GIN1: variants seen among roughly 807,000 people sequenced by gnomAD.
The protein encoded by GIN1 is gypsy retrotransposon integrase 1, also known as gypsy retrotransposon integrase-like protein 1.
Under a neutral mutation model 51.4 loss-of-function variants are expected in GIN1, and 41 were observed. That is an observed-to-expected ratio of 0.80 (90% CI 0.62 to 1.04). The LOEUF (loss-of-function observed/expected upper bound fraction) is 1.04, where lower values mean the gene tolerates loss of function less well. Among genes scored for constraint, GIN1 ranks in the 50% least tolerant of loss-of-function variants. The pLI is 0.00. For missense variants in GIN1, 610 were observed against 612.4 expected, an observed-to-expected ratio of 1.00 and a Z score of 0.04; for synonymous variants, 222 against 206.5, an observed-to-expected ratio of 1.07 and a Z score of -0.64.
intron 1 of GIN1, among the ~76,000 whole-genome samples, chr5:103,115,716 A>AC (rs1788013250): frequency 6.6e-6 from 1 of 150,578 alleles, no homozygotes; most frequent in South Asian, 2.1e-4. Context: ...AATTAAAACA[A>AC]TTTTTTTTTT....
chr5:103,087,891 G>T lies in GIN1; in HGVS notation c.*7C>A, dbSNP rs1345835024. On this transcript the variant is annotated 3_prime_UTR_variant, in exon 8 of 8. Coordinates refer to ENST00000399004, the MANE Select transcript of GIN1 (RefSeq NM_017676.2). ...AAACAAACAATTTAAATAAATTTTG[G>T]TATTTACTAACTTAAGTATTCAAGA... is the stretch of plus-strand genomic sequence containing the variant. The T allele has an allele frequency of 7.1e-6, 9 of 1,258,846 alleles. No individual in the cohort carries two copies. The highest frequency in any genetic ancestry group is 8.8e-6 in the Non-Finnish European group (8 of 912,560). The allele number at this position is 1,258,846 out of a possible 1,614,324, so 78.0% of individuals were successfully genotyped here. A position where few individuals can be genotyped will look rare whatever the true frequency, so the allele number is the denominator to read the frequency against.
chr5:103,117,439 A>G (rs782583849), intron 1 of GIN1, among the ~76,000 whole-genome samples: 16 of 152,214 alleles, frequency 1.1e-4, no homozygotes, highest in Non-Finnish European at 1.6e-4. Context: ...TGGACTGCCT[A>G]TTGGTCCCGT....
At chr5:103,091,908 C>G (rs2151461744) in intron 7 of GIN1, among the ~76,000 whole-genome samples, 1 of 151,738 alleles carries the variant, frequency 6.6e-6, no homozygotes, top group East Asian at 1.9e-4. Context: ...GCCTGTAATC[C>G]CAGCTACTCA....
chr5:103,101,548 G>A (rs782374602), intron 4 of GIN1, among the ~76,000 whole-genome samples: 1 of 152,160 alleles, frequency 6.6e-6, no homozygotes, highest in South Asian at 2.1e-4. Context: ...ACGTGCCGGC[G>A]CTATCACTTT....
At chr5:103,106,246 T>A (rs1385431642) in intron 3 of GIN1, among the ~76,000 whole-genome samples, 4 of 152,150 alleles carry the variant, frequency 2.6e-5, no homozygotes, top group Admixed American at 2.0e-4. Context: ...TCCTCAAAAT[T>A]TGATTTTGGT....
chr5:103,098,184 TCTTG>T (rs1787462998), intron 4 of GIN1, among the ~76,000 whole-genome samples: 1 of 152,144 alleles, frequency 6.6e-6, no homozygotes, highest in Non-Finnish European at 1.5e-5. Flanking sequence ...CCTGGCTGAA[TCTTG>T]CTTTTTTATT....
chr5:103,094,213 A>G (rs963096696), intron 7 of GIN1, among the ~76,000 whole-genome samples: 7 of 152,206 alleles, frequency 4.6e-5, no homozygotes, highest in Non-Finnish European at 8.8e-5. Flanking sequence ...GATTTTCAAG[A>G]AAGTATGTAA....
rs1175492504 is a variant in GIN1, at chr5:103,087,494, C to G, written c.*404G>C. On this transcript the variant is annotated 3_prime_UTR_variant, in exon 8 of 8. Coordinates refer to ENST00000399004, the MANE Select transcript of GIN1 (RefSeq NM_017676.2). ...AGAAGCTTCATTTCATTCATTGTTACAGTTGATTCAGTATTTATCAATTCC... is the reference window on the plus strand; with the variant it reads ...AGAAGCTTCATTTCATTCATTGTTAGAGTTGATTCAGTATTTATCAATTCC... 10 of 153,144 alleles carry G rather than the reference C, an allele frequency of 6.5e-5. No individual in the cohort carries two copies. The highest frequency in any genetic ancestry group is 2.4e-4 in the African/African-American group (10 of 41,470). 9.5% of individuals were successfully genotyped at this position (153,144 alleles called of 1,614,324 possible).
At chr5:103,089,474 T>G (rs1465113943) in intron 7 of GIN1, among the ~76,000 whole-genome samples, 1 of 152,126 alleles carries the variant, frequency 6.6e-6, no homozygotes, top group Non-Finnish European at 1.5e-5. Context: ...ACTCATTCAT[T>G]CATTCATGGT....
At position 103,100,470 on chromosome 5, in the gene GIN1, C is replaced by A. The variant is rs368424375; in HGVS notation, c.640-2689G>T. On this transcript the variant is annotated intron_variant, in intron 4 of 7. Coordinates refer to ENST00000399004, the MANE Select transcript of GIN1 (RefSeq NM_017676.2). Reference sequence around the variant, plus strand: ...GCAGTGGTGCAACCATAGCTCACTACAGCCTTCACCTCCTGGGCTTAAGCA... The same window carrying A: ...GCAGTGGTGCAACCATAGCTCACTAAAGCCTTCACCTCCTGGGCTTAAGCA... Among the ~76,000 whole-genome samples the A allele has an allele frequency of 2.9e-4, 44 of 152,200 alleles. 1 individual carries two copies. In the East Asian group the frequency reaches 6.8e-3, roughly 23 times the overall value.
chr5:103,101,435 C>T lies in GIN1; in HGVS notation c.639+3106G>A, dbSNP rs539077954. 3.9e-5 allele frequency among the ~76,000 whole-genome samples: 6 copies of T among 152,286 alleles called. No individual in the cohort carries two copies. In the East Asian group the frequency reaches 7.7e-4, roughly 20 times the overall value. The stretch of plus-strand genomic sequence containing the variant: ...TTTGGACTGCAGTTGACTATAGGAA[C>T]TGAAACCTCAGAAAGTAAAACTGCA... On this transcript the variant is annotated intron_variant, in intron 4 of 7. Coordinates refer to ENST00000399004, the MANE Select transcript of GIN1 (RefSeq NM_017676.2).
At chr5:103,117,264 C>G (rs187171109) in intron 1 of GIN1, among the ~76,000 whole-genome samples, 10 of 151,976 alleles carry the variant, frequency 6.6e-5, no homozygotes, top group Admixed American at 3.3e-4. Context: ...AATCATTATG[C>G]TAAGTGAAAT....
Position 103,104,680 on chromosome 5 carries a change from A to G in GIN1, c.500T>C (p.Leu167Ser), listed in dbSNP as rs1554196090. 2 of 1,613,022 alleles carry G rather than the reference A, an allele frequency of 1.2e-6. No individual in the cohort carries two copies. The highest frequency in any genetic ancestry group is 3.3e-5 in the Admixed American group (2 of 60,004). ...SHVYAIIMTD[L>S]FTKWIVILPL... The stretch of plus-strand genomic sequence containing the variant: ...CAAAATCACAATCCATTTGGTGAAC[A>G]AATCTGTCATGATTATAGCATATAC... The change falls in exon 4 of 8, where the codon TTG becomes TCG. Residue 167 changes from leucine (L) to serine (S), a missense_variant. Physicochemically the swap from Leu to Ser is moderately radical, Grantham distance 145. Coordinates refer to ENST00000399004, the MANE Select transcript of GIN1 (RefSeq NM_017676.2).
intron 4 of GIN1, among the ~76,000 whole-genome samples, chr5:103,104,230 G>A (rs1293140111): frequency 6.6e-6 from 1 of 152,102 alleles, no homozygotes; most frequent in East Asian, 1.9e-4. Flanking sequence ...TGGGATTATA[G>A]GCATGAGCCA....
intron 4 of GIN1, among the ~76,000 whole-genome samples, chr5:103,104,222 G>T (rs143983805): frequency 3.3e-5 from 5 of 152,064 alleles, no homozygotes; most frequent in African/African-American, 1.2e-4. Context: ...TAAACTGTTG[G>T]GATTATAGGC....
chr5:103,106,686 T>A (rs782483298), intron 3 of GIN1, 30 bp downstream of exon 3: 2 of 1,266,904 alleles, frequency 1.6e-6, no homozygotes, highest in Non-Finnish European at 2.2e-6. Context: ...AAAGACATTA[T>A]TCATAATACT....
At position 103,104,768 on chromosome 5, in the gene GIN1, T is replaced by C. The variant is rs373127158; in HGVS notation, c.412A>G (p.Asn138Asp). ...APKQHLLKVE[N>D]PWSLVTVDLM... ...TCAACAGTAACTAAACTCCATGGAT[T>C]TTCCACCTTGAGAAGGTGCTGTTTC... Residue 138 changes from asparagine to aspartate, a missense_variant, in exon 4 of 8, where the codon AAT becomes GAT. Physicochemically the swap from Asn to Asp is conservative, Grantham distance 23. Coordinates refer to ENST00000399004, the MANE Select transcript of GIN1 (RefSeq NM_017676.2). The C allele has an allele frequency of 6.2e-7, 1 of 1,612,168 alleles. No individual in the cohort carries two copies. The highest frequency in any genetic ancestry group is 1.3e-5 in the African/African-American group (1 of 74,906).
intron 1 of GIN1, among the ~76,000 whole-genome samples, chr5:103,113,521 CTTTTT>C (rs368036001): frequency 3.0e-5 from 4 of 132,542 alleles, no homozygotes; most frequent in Admixed American, 7.7e-5. Context: ...AGTTCCACCT[CTTTTT>C]TTTTTTTTTT....
Position 103,088,090 on chromosome 5 carries a change from T to A in GIN1, c.1377A>T (p.Gln459His). The A allele has an allele frequency of 1.2e-6, 2 of 1,609,170 alleles. No individual in the cohort carries two copies. Among genetic ancestry groups the A allele is most frequent in the Non-Finnish European group, 1.7e-6 (2 of 1,175,702 alleles). The part of the protein sequence containing the change: ...GLPEIPIGAY[Q>H]ANILVEDATI... ...TTGCATCTTCCACCAGAATATTTGC[T>A]TGATATGCTCCAATCGGAATTTCAG... The change falls in exon 8 of 8, where the codon CAA becomes CAT. Residue 459 changes from glutamine to histidine, a missense_variant. Gln to His is a conservative substitution (Grantham distance 24, BLOSUM62 0). Transcript: ENST00000399004.
Sources: gnomAD v4.1 joint callset for allele counts (sites outside exome capture counted in the v4.1 genomes callset) on GRCh38, gnomAD v4.1.1 for gene constraint, MANE v1.5 for transcripts, NCBI Gene and HGNC (gene_info 2026-07-23, HGNC 2026-07-21) for gene names.